The following RALB variants were observed in gnomAD, a reference collection of about 807,000 sequenced individuals.
RALB encodes ras-related protein Ral-B.
In RALB, 16 loss-of-function variants were observed where a neutral mutation model predicts 21.3. The ratio of observed to expected loss-of-function variants is 0.75; its 90% CI spans 0.51 to 1.14. The LOEUF (loss-of-function observed/expected upper bound fraction) is 1.14. Among genes scored for constraint, RALB ranks in the 50% most tolerant of loss-of-function variants. The pLI, the probability that RALB is intolerant of heterozygous loss-of-function variation, is 0.00. For missense variants in RALB, 161 were observed against 256.2 expected (o/e 0.63, Z 2.54); for synonymous variants, 93 against 96.1 (o/e 0.97, Z 0.19).
At chr2:120,259,653 C>T (rs1473074758) in intron 1 of RALB, among the ~76,000 whole-genome samples, 18 of 152,278 alleles carry the variant, frequency 1.2e-4, no homozygotes, top group Non-Finnish European at 2.5e-4. Context: ...AGACTCTCCA[C>T]GTCCCCACCA....
At chr2:120,272,213 TC>T (rs1273937113) in intron 1 of RALB, among the ~76,000 whole-genome samples, 5 of 152,168 alleles carry the variant, frequency 3.3e-5, no homozygotes, top group Admixed American at 2.0e-4. Flanking sequence ...AGGTCTCTCT[TC>T]CTTCTCTTAT....
chr2:120,250,847 G>A (rs917551340), upstream of RALB, among the ~76,000 whole-genome samples: 2 of 152,102 alleles, frequency 1.3e-5, no homozygotes, highest in African/African-American at 4.8e-5. Flanking sequence ...AGACAGCCCC[G>A]CCAAAAGGGT....
At chr2:120,241,624 G>A (rs112037477) in intron 1 of RALB, among the ~76,000 whole-genome samples, 1 of 152,168 alleles carries the variant, frequency 6.6e-6, no homozygotes, top group Non-Finnish European at 1.5e-5. Context: ...TACTTGGCAG[G>A]CTGAGGCAGG....
chr2:120,241,059 G>A lies in RALB; in HGVS notation c.19+934G>A, dbSNP rs1688886024. Among the ~76,000 whole-genome samples, 4 of 152,200 alleles carry A rather than the reference G, an allele frequency of 2.6e-5. No individual in the cohort carries two copies. The South Asian group carries it at 8.3e-4, about 32-fold the overall frequency. On this transcript the variant is annotated intron_variant, in intron 1 of 3. Transcript: ENST00000447591. ...TGTGCGTTTGTCCTTAGTCCTGTGG[G>A]AGCTGACGGACGGGTTAACTTGGAT... is the stretch of plus-strand genomic sequence containing the variant.
chr2:120,250,191 G>T (rs1315304181), upstream of RALB, among the ~76,000 whole-genome samples: 1 of 152,170 alleles, frequency 6.6e-6, no homozygotes, highest in African/African-American at 2.4e-5. Flanking sequence ...GTCAGAGCAG[G>T]CTAAGCTATG....
At chr2:120,285,407 T>A (rs961305748) in intron 2 of RALB, among the ~76,000 whole-genome samples, 42 of 152,210 alleles carry the variant, frequency 2.8e-4, no homozygotes, top group Non-Finnish European at 4.4e-5. Context: ...AAATTACTTT[T>A]CAGATGAATT....
At chr2:120,256,299 G>A (rs112567166) in intron 1 of RALB, among the ~76,000 whole-genome samples, 55 of 152,316 alleles carry the variant, frequency 3.6e-4, no homozygotes, top group African/African-American at 1.3e-3. Context: ...CAGAGCAAGT[G>A]ATCTGACGGG....
At chr2:120,240,094 A>T in exon 1 of RALB, 1 of 1,289,590 alleles carries the variant, frequency 7.8e-7, no homozygotes, top group Non-Finnish European at 1.0e-6. Context: ...GGGTGGCAGG[A>T]GGAGGTCTCT....
intron 1 of RALB, among the ~76,000 whole-genome samples, chr2:120,259,034 T>C (rs1689273893): frequency 6.6e-6 from 1 of 152,012 alleles, no homozygotes; most frequent in Non-Finnish European, 1.5e-5. Context: ...GTAGCGCGTC[T>C]GGAGTTGTTC....
At chr2:120,251,801 A>G (rs556463529), upstream of RALB, among the ~76,000 whole-genome samples, 1 of 152,318 alleles carries the variant, frequency 6.6e-6, no homozygotes, top group South Asian at 2.1e-4. Flanking sequence ...TATTCTTCTG[A>G]TTGCACTTTT....
intron 1 of RALB, among the ~76,000 whole-genome samples, chr2:120,247,502 G>A (rs373100021): frequency 5.9e-5 from 9 of 152,288 alleles, no homozygotes; most frequent in African/African-American, 2.2e-4. Flanking sequence ...TTGAGAGATG[G>A]TGATGGGGAA....
chr2:120,292,790 T>TCTGAATTA (rs1690336970), intron 4 of RALB, among the ~76,000 whole-genome samples: 6 of 144,862 alleles, frequency 4.1e-5, no homozygotes, highest in Admixed American at 4.1e-4. Flanking sequence ...TGTCTGAATT[T>TCTGAATTA]AAAAAAAAAA....
intron 1 of RALB, among the ~76,000 whole-genome samples, chr2:120,270,011 A>G (rs1448745705): frequency 6.6e-6 from 1 of 152,050 alleles, no homozygotes. Context: ...GTTTAGCTTC[A>G]TATGTTTGTT....
At chr2:120,241,872 A>C (rs1050638113) in intron 1 of RALB, among the ~76,000 whole-genome samples, 2 of 152,230 alleles carry the variant, frequency 1.3e-5, no homozygotes, top group Non-Finnish European at 2.9e-5. Context: ...GTTCCTCAAA[A>C]AATGAAGCAG....
chr2:120,293,058 A>T, intron 4 of RALB, 83 bp from the exon 5 acceptor site: 1 of 1,359,374 alleles, frequency 7.4e-7, no homozygotes, highest in Non-Finnish European at 9.9e-7. Context: ...TGCTGTGTTC[A>T]CAGTGTCAGG....
At chr2:120,281,822 G>T (rs1469965452) in intron 2 of RALB, among the ~76,000 whole-genome samples, 1 of 152,190 alleles carries the variant, frequency 6.6e-6, no homozygotes, top group Admixed American at 6.5e-5. Context: ...AAGAGAGGGG[G>T]TGGTGAGTAG....
At chr2:120,245,057 C>A (rs899229918) in intron 1 of RALB, among the ~76,000 whole-genome samples, 2 of 152,210 alleles carry the variant, frequency 1.3e-5, no homozygotes, top group African/African-American at 2.4e-5. Context: ...AGCCGTGGGA[C>A]CTTCGAGCCA....
intron 1 of RALB, among the ~76,000 whole-genome samples, chr2:120,274,415 G>C (rs905156393): frequency 1.3e-5 from 2 of 152,024 alleles, no homozygotes; most frequent in African/African-American, 4.8e-5. Context: ...GTCAAGAGTA[G>C]GGGGGAGAAG....
intron 1 of RALB, among the ~76,000 whole-genome samples, chr2:120,246,756 C>T (rs1185737622): frequency 6.6e-6 from 1 of 152,194 alleles, no homozygotes; most frequent in African/African-American, 2.4e-5. Context: ...CCTTCAGGTG[C>T]TCTGCCGTTT....
Sources: allele counts gnomAD v4.1 joint callset (sites outside exome capture counted in the v4.1 genomes callset), GRCh38; gene constraint gnomAD v4.1.1; transcripts MANE v1.5; gene names NCBI Gene and HGNC (gene_info 2026-07-23, HGNC 2026-07-21).